MORF4L1: variants seen among roughly 807,000 people sequenced by gnomAD.
MORF4L1 encodes the protein mortality factor 4-like protein 1.
A neutral mutation model predicts 52.9 loss-of-function variants in MORF4L1; 4 were observed. The observed-to-expected ratio is 0.08, with a 90% CI of 0.04 to 0.17. The LOEUF is 0.17. Among genes scored for constraint, MORF4L1 ranks in the 10% least tolerant of loss-of-function variants. MORF4L1 has a pLI of 1.00. For missense variants in MORF4L1, 214 were observed against 390.4 expected, an observed-to-expected ratio of 0.55 and a Z score of 3.81; for synonymous variants, 123 against 134.8, an observed-to-expected ratio of 0.91 and a Z score of 0.61.
chr15:78,891,536 G>C lies in MORF4L1; in HGVS notation c.402G>C (p.Arg134=). Residue 134 remains arginine, a synonymous_variant, in exon 7 of 12, where the codon CGG becomes CGC. Coordinates refer to ENST00000426013, the MANE Select transcript of MORF4L1 (RefSeq NM_006791.4). ...GSTSETPQPP[R]KKRARVDPTV... is the part of the protein sequence containing the mutation. ...CCAGTGAGACCCCTCAGCCTCCTCG[G>C]AAGAAAAGGGCCCGGGTAGATCCTA... is the stretch of plus-strand genomic sequence containing the variant. 1 of 1,613,978 alleles carries C rather than the reference G, an allele frequency of 6.2e-7. No individual in the cohort carries two copies. The highest frequency in any genetic ancestry group is 8.5e-7 in the Non-Finnish European group (1 of 1,179,918).
rs1392882598 is a variant in MORF4L1 at position 78,894,189 on chromosome 15, T to C, written c.761T>C (p.Met254Thr). The change falls in exon 10 of 12, where the codon ATG becomes ACG. Residue 254 changes from methionine (M) to threonine (T), a missense_variant. This residue lies in a region of MORF4L1 where 68 missense variants were observed against 171.6 expected (regional missense o/e 0.40). Coordinates refer to ENST00000426013, the MANE Select transcript of MORF4L1 (RefSeq NM_006791.4). ...CTTGCAGATCATCCCGATGCACCCATGTCCCAGGTGTATGGAGCGCCACAT... is the reference window on the plus strand; with the variant it reads ...CTTGCAGATCATCCCGATGCACCCACGTCCCAGGTGTATGGAGCGCCACAT... ...EILADHPDAP[M>T]SQVYGAPHLL... 6.2e-7 allele frequency: 1 copy of C among 1,613,836 alleles called. No individual in the cohort carries two copies. Among genetic ancestry groups the C allele is most frequent in the Admixed American group, 1.7e-5 (1 of 59,922 alleles).
chr15:78,890,225 A>G (rs1220213571), intron 5 of MORF4L1, among the ~76,000 whole-genome samples: 1 of 148,978 alleles, frequency 6.7e-6, no homozygotes, highest in African/African-American at 2.6e-5. Flanking sequence ...ATAAAGCAAA[A>G]TTAGCAATTT....
intron 1 of MORF4L1, chr15:78,876,507 C>T: frequency 2.2e-6 from 1 of 455,800 alleles, no homozygotes; most frequent in South Asian, 1.5e-5. Context: ...ACTAGGGCCT[C>T]GTAGCTAGAA....
intron 3 of MORF4L1, chr15:78,885,089 T>C (rs1290023366): frequency 5.7e-6 from 9 of 1,587,312 alleles, no homozygotes; most frequent in African/African-American, 1.4e-5. Context: ...TCTAGGTAAA[T>C]GCATGTTTTG....
At chr15:78,894,417 T>G in intron 10 of MORF4L1, 187 bp downstream of exon 10, 3 of 224,670 alleles carry the variant, frequency 1.3e-5, no homozygotes, top group Non-Finnish European at 2.2e-5. Context: ...TATTTTATAA[T>G]TTTTTTTTTT....
In MORF4L1 at chr15:78,886,128, T is replaced by C; in HGVS notation, c.156-13T>C. On this transcript the variant is annotated splice_polypyrimidine_tract_variant and intron_variant, in intron 3 of 11. Coordinates refer to ENST00000426013, the MANE Select transcript of MORF4L1 (RefSeq NM_006791.4). The stretch of plus-strand genomic sequence containing the variant: ...GTATTTTTGAGTTAAATTTTAACTT[T>C]CCTCTTTTTCAGTTGGGATGAATGG... 2 of 1,607,030 alleles carry C rather than the reference T, an allele frequency of 1.2e-6. No individual in the cohort carries two copies. The highest frequency in any genetic ancestry group is 2.2e-5 in the East Asian group (1 of 44,846).
intron 3 of MORF4L1, among the ~76,000 whole-genome samples, chr15:78,882,572 A>G (rs57421385): frequency 1.3e-3 from 201 of 152,284 alleles, no homozygotes; most frequent in African/African-American, 4.1e-3. Context: ...CTGCATTTCA[A>G]TCTTTATTAG....
At chr15:78,892,119 T>A in intron 7 of MORF4L1, 93 bp from the exon 8 acceptor site, 1 of 774,196 alleles carries the variant, frequency 1.3e-6, no homozygotes, top group South Asian at 1.8e-5. Context: ...ACTTTAAGAT[T>A]TATCCCTAGT....
At chr15:78,873,376 G>GT (rs2056407973) in intron 1 of MORF4L1, among the ~76,000 whole-genome samples, 1 of 152,040 alleles carries the variant, frequency 6.6e-6, no homozygotes, top group African/African-American at 2.4e-5. Flanking sequence ...GGGAGGCGAC[G>GT]GGAGCGCCAT....
intron 4 of MORF4L1, 170 bp downstream of exon 4, chr15:78,886,397 T>A: frequency 3.2e-6 from 2 of 629,890 alleles, no homozygotes. Flanking sequence ...CATATCTAGG[T>A]AAAGGAAGTA....
Position 78,872,938 on chromosome 15 carries a change from C to G in MORF4L1, c.-80C>G, listed in dbSNP as rs2056393760. 2 of 1,498,248 alleles carry G rather than the reference C, an allele frequency of 1.3e-6. No individual in the cohort carries two copies. Among genetic ancestry groups the G allele is most frequent in the African/African-American group, 1.5e-5 (1 of 65,914 alleles). The allele number at this position is 1,498,248 out of a possible 1,614,324, so 92.8% of individuals were successfully genotyped here. ...TGGCAGTGCCTGACGGCGCGTCTGA[C>G]GCGGAGTTGGGTGGGGTAGAGAGTA... On this transcript the variant is annotated 5_prime_UTR_variant, in exon 1 of 12. Coordinates refer to ENST00000426013, the MANE Select transcript of MORF4L1 (RefSeq NM_006791.4).
intron 8 of MORF4L1, 96 bp downstream of exon 8, chr15:78,892,409 T>C: frequency 1.3e-6 from 1 of 755,962 alleles, no homozygotes; most frequent in Admixed American, 2.3e-5. Flanking sequence ...ACTTGAATTA[T>C]TAAGGTATGA....
intron 4 of MORF4L1, among the ~76,000 whole-genome samples, chr15:78,886,560 A>T (rs1356191704): frequency 6.6e-6 from 1 of 152,136 alleles, no homozygotes; most frequent in African/African-American, 2.4e-5. Context: ...CAAACGAGGC[A>T]TTTCCTATTC....
intron 1 of MORF4L1, among the ~76,000 whole-genome samples, chr15:78,873,376 G>C (rs1215954858): frequency 6.6e-6 from 1 of 152,040 alleles, no homozygotes; most frequent in Non-Finnish European, 1.5e-5. Flanking sequence ...GGGAGGCGAC[G>C]GGAGCGCCAT....
intron 1 of MORF4L1, among the ~76,000 whole-genome samples, chr15:78,875,789 A>G (rs915107956): frequency 2.7e-5 from 4 of 150,810 alleles, no homozygotes; most frequent in African/African-American, 9.7e-5. Flanking sequence ...CCATTTCAAA[A>G]AAAAAAAAAA....
chr15:78,890,871 C>A, intron 5 of MORF4L1, 118 bp from the exon 6 acceptor site: 1 of 985,004 alleles, frequency 1.0e-6, no homozygotes, highest in Non-Finnish European at 1.4e-6. Flanking sequence ...CACATATTTA[C>A]CACCTGATCC....
intron 5 of MORF4L1, among the ~76,000 whole-genome samples, chr15:78,887,747 A>G (rs756818746): frequency 1.3e-5 from 2 of 152,180 alleles, no homozygotes; most frequent in South Asian, 2.1e-4. Context: ...AAGGTTTCAA[A>G]TAACTGCCCT....
At chr15:78,889,269 A>G (rs2056758269) in intron 5 of MORF4L1, among the ~76,000 whole-genome samples, 1 of 152,226 alleles carries the variant, frequency 6.6e-6, no homozygotes, top group African/African-American at 2.4e-5. Flanking sequence ...TCTTACTACT[A>G]GGACTTATTG....
chr15:78,890,164 G>C (rs1380516850), intron 5 of MORF4L1, among the ~76,000 whole-genome samples: 1 of 151,930 alleles, frequency 6.6e-6, no homozygotes, highest in Non-Finnish European at 1.5e-5. Flanking sequence ...AGGTTGCAGT[G>C]AGCCGAGATC....
Sources: gnomAD v4.1 joint callset for allele counts (sites outside exome capture counted in the v4.1 genomes callset) on GRCh38, gnomAD v4.1.1 for gene constraint, gnomAD v4.1.1 regional missense constraint, MANE v1.5 for transcripts, NCBI Gene and HGNC (gene_info 2026-07-23, HGNC 2026-07-21) for gene names.